TNFRSF19: variants seen among roughly 807,000 people sequenced by gnomAD.
The protein encoded by TNFRSF19 is TNF receptor superfamily member 19, also known as tumor necrosis factor receptor superfamily member 19.
Under a neutral mutation model 46.4 loss-of-function variants are expected in TNFRSF19, and 27 were observed. The ratio of observed to expected loss-of-function variants is 0.58; its 90% CI spans 0.43 to 0.80. The LOEUF is 0.80. Ranked by LOEUF, TNFRSF19 falls within the 30% of genes least tolerant of loss-of-function variation. The probability of loss-of-function intolerance (pLI) is 0.00; values close to 1 mark genes in which losing one functional copy is unlikely to be tolerated. For synonymous variants in TNFRSF19, 204 were observed against 205.0 expected (o/e 1.00, Z 0.04); for missense variants, 511 against 530.8 (o/e 0.96, Z 0.37).
chr13:23,653,577 C>A (rs1297757750), intron 5 of TNFRSF19, among the ~76,000 whole-genome samples: 1 of 151,816 alleles, frequency 6.6e-6, no homozygotes, highest in Non-Finnish European at 1.5e-5. Flanking sequence ...GCAGTCCTTG[C>A]GGCAGTCTAG....
intron 5 of TNFRSF19, among the ~76,000 whole-genome samples, chr13:23,646,025 A>G (rs1359539600): frequency 2.0e-5 from 3 of 152,152 alleles, no homozygotes; most frequent in African/African-American, 7.2e-5. Flanking sequence ...ACAATCCATC[A>G]GTGTATCCAA....
At position 23,668,856 on chromosome 13, in the gene TNFRSF19, A is replaced by G. The variant is rs925506688; in HGVS notation, c.1004A>G (p.His335Arg). 8.1e-6 allele frequency: 13 copies of G among 1,614,156 alleles called. No homozygotes were observed. The highest frequency in any genetic ancestry group is 2.7e-5 in the African/African-American group (2 of 74,944). ...CCTGAACTCACTGGAGAAGACATTC[A>G]TTCTCTCAATCCAGAACTTGAAAGC... ...SYPELTGEDI[H>R]SLNPELESST... The change falls in exon 9 of 10, where the codon CAT becomes CGT. Residue 335 changes from histidine (H) to arginine (R), a missense_variant. By Grantham distance (29) the His-to-Arg change is conservative. Transcript: ENST00000248484.
At chr13:23,657,975 G>T (rs570265160) in intron 5 of TNFRSF19, among the ~76,000 whole-genome samples, 1 of 152,164 alleles carries the variant, frequency 6.6e-6, no homozygotes, top group Non-Finnish European at 1.5e-5. Flanking sequence ...AGCACCTGCC[G>T]GGGAAGCAGA....
At chr13:23,627,230 C>T (rs549661313) in intron 5 of TNFRSF19, among the ~76,000 whole-genome samples, 1 of 152,306 alleles carries the variant, frequency 6.6e-6, no homozygotes, top group Admixed American at 6.5e-5. Flanking sequence ...CTGTGAGTCA[C>T]CTGCCCTCAC....
At chr13:23,640,112 AG>A (rs912839891) in intron 5 of TNFRSF19, among the ~76,000 whole-genome samples, 7 of 152,134 alleles carry the variant, frequency 4.6e-5, no homozygotes, top group African/African-American at 1.7e-4. Flanking sequence ...TGCAAGAGAA[AG>A]GGGTTTGGCT....
At chr13:23,655,700 A>G (rs1050199200) in intron 5 of TNFRSF19, among the ~76,000 whole-genome samples, 1 of 151,968 alleles carries the variant, frequency 6.6e-6, no homozygotes, top group African/African-American at 2.4e-5. Context: ...CAAAAACTTT[A>G]TAGAGTGGAA....
At chr13:23,650,715 C>T (rs1883578086) in intron 5 of TNFRSF19, among the ~76,000 whole-genome samples, 1 of 152,018 alleles carries the variant, frequency 6.6e-6, no homozygotes, top group Non-Finnish European at 1.5e-5. Flanking sequence ...AATAGTAAAT[C>T]TTATGTCTAT....
chr13:23,577,851 G>A (rs1039868378), intron 1 of TNFRSF19, among the ~76,000 whole-genome samples: 1 of 152,158 alleles, frequency 6.6e-6, no homozygotes, highest in Non-Finnish European at 1.5e-5. Flanking sequence ...TTTACAGTGA[G>A]GAACCTCCTG....
In TNFRSF19 at chr13:23,586,976, A is replaced by G. The variant is rs368038240; in HGVS notation, c.-34-3174A>G. On this transcript the variant is annotated intron_variant, in intron 1 of 9. Transcript: ENST00000248484. ...AACAGTTTCTCTGTACATGTCCTCC[A>G]AGAAATGCATGCTAGACTGTTACAG... Among the ~76,000 whole-genome samples the G allele has an allele frequency of 9.9e-4, 148 of 149,384 alleles. 1 individual carries two copies. Among genetic ancestry groups the G allele is most frequent in the African/African-American group, 3.5e-3 (142 of 40,774 alleles).
rs1004938796 is a variant in TNFRSF19, at chr13:23,658,920, A to G, written c.446-130A>G. On this transcript the variant is annotated intron_variant, in intron 5 of 9. Transcript: ENST00000248484. Reference sequence around the variant, plus strand: ...TCTGGGTGGAGGGGGTGCTTGAGCCATCTTTAAATATCTCATGCCAGTTTT... The same window carrying G: ...TCTGGGTGGAGGGGGTGCTTGAGCCGTCTTTAAATATCTCATGCCAGTTTT... 7 of 1,183,074 alleles carry G rather than the reference A, an allele frequency of 5.9e-6. No individual in the cohort carries two copies. In the African/African-American group the frequency reaches 1.1e-4, roughly 18 times the overall value. The allele number at this position is 1,183,074 out of a possible 1,614,324, so 73.3% of individuals were successfully genotyped here. A position where few individuals can be genotyped will look rare whatever the true frequency, so the allele number is the denominator to read the frequency against.
chr13:23,637,511 C>T (rs1170721318), intron 5 of TNFRSF19, among the ~76,000 whole-genome samples: 3 of 152,170 alleles, frequency 2.0e-5, no homozygotes, highest in Non-Finnish European at 2.9e-5. Flanking sequence ...TGTGCTTTGC[C>T]GTAAGTCCTG....
intron 5 of TNFRSF19, among the ~76,000 whole-genome samples, chr13:23,654,423 A>T (rs1350054764): frequency 2.6e-5 from 4 of 151,798 alleles, no homozygotes; most frequent in African/African-American, 9.7e-5. Context: ...TACTGCCCCC[A>T]CGTCTGATCA....
intron 1 of TNFRSF19, among the ~76,000 whole-genome samples, chr13:23,571,286 C>A (rs1230370075): frequency 6.6e-6 from 1 of 152,212 alleles, no homozygotes; most frequent in African/African-American, 2.4e-5. Flanking sequence ...AAATGTATCT[C>A]TGGCAATACT....
chr13:23,592,035 A>G, intron 2 of TNFRSF19, among the ~76,000 whole-genome samples: 1 of 151,876 alleles, frequency 6.6e-6, no homozygotes, highest in East Asian at 1.9e-4. Context: ...GTCTCAAAGA[A>G]TTTTCTAGTC....
In TNFRSF19 at chr13:23,627,607, G is replaced by A. The variant is rs537087848; in HGVS notation, c.445+815G>A. Among the ~76,000 whole-genome samples the A allele has an allele frequency of 2.0e-5, 3 of 152,306 alleles. No homozygotes were observed. The South Asian group carries it at 6.2e-4, about 32-fold the overall frequency. On this transcript the variant is annotated intron_variant, in intron 5 of 9. Transcript: ENST00000248484. ...TGCCACAGCAGGGCTCAGGAGAGCC[G>A]CACTTCACGGCTCAGGGGAGAGCGA...
chr13:23,626,808 A>C lies in TNFRSF19; in HGVS notation c.445+16A>C, dbSNP rs1357929537. 1.2e-6 allele frequency: 2 copies of C among 1,613,448 alleles called. No individual in the cohort carries two copies. Among genetic ancestry groups the C allele is most frequent in the African/African-American group, 2.7e-5 (2 of 74,904 alleles). On this transcript the variant is annotated intron_variant, in intron 5 of 9. Transcript: ENST00000248484. ...GAACCGCACTGTGAGTGAACGCAAC[A>C]CAGGCAGAGCCAAGGGGACGCCTGG...
chr13:23,622,309 T>C (rs1408391627), intron 4 of TNFRSF19, among the ~76,000 whole-genome samples: 1 of 151,634 alleles, frequency 6.6e-6, no homozygotes, highest in African/African-American at 2.4e-5. Flanking sequence ...CTTGGGAGGC[T>C]GAGGGAGGAG....
intron 5 of TNFRSF19, among the ~76,000 whole-genome samples, chr13:23,635,151 C>G (rs1882601879): frequency 1.3e-5 from 2 of 152,038 alleles, no homozygotes. Context: ...TCAATACTGC[C>G]TCTCCAGGTG....
chr13:23,589,654 T>C (rs1879109499), intron 1 of TNFRSF19, among the ~76,000 whole-genome samples: 1 of 152,178 alleles, frequency 6.6e-6, no homozygotes, highest in Admixed American at 6.5e-5. Context: ...TCCCCATCGC[T>C]AAAATGGGAA....
Sources: gnomAD v4.1 joint callset for allele counts (sites outside exome capture counted in the v4.1 genomes callset) on GRCh38, gnomAD v4.1.1 for gene constraint, MANE v1.5 for transcripts, NCBI Gene and HGNC (gene_info 2026-07-23, HGNC 2026-07-21) for gene names.